RPS6KC1: variants seen among roughly 807,000 people sequenced by gnomAD.
RPS6KC1 encodes ribosomal protein S6 kinase C1, also known as inactive ribosomal protein S6 kinase delta-1.
Under a neutral mutation model 103.8 loss-of-function variants are expected in RPS6KC1, and 54 were observed. That is an observed-to-expected ratio of 0.52 (90% confidence interval 0.42 to 0.65). RPS6KC1 has a LOEUF of 0.65. Ranked by LOEUF, RPS6KC1 falls within the 30% of genes least tolerant of loss-of-function variation. The pLI is 0.00. For synonymous variants in RPS6KC1, 439 were observed against 438.7 expected, an observed-to-expected ratio of 1.00 and a Z score of -0.01; for missense variants, 1,151 against 1,253.8, an observed-to-expected ratio of 0.92 and a Z score of 1.24.
rs2094349845 is a variant in RPS6KC1, at chr1:213,241,418, A to C, written c.1942A>C (p.Ser648Arg). Reference protein sequence around the residue: ...GDSASRSFNTSESKVEFKAQD... With the variant: ...GDSASRSFNTRESKVEFKAQD... ...CAGTGCTTCTAGGAGTTTTAATACT[A>C]GTGAAAGCAAGGTAGAGTTTAAAGC... Residue 648 changes from serine to arginine, a missense_variant, in exon 11 of 15, where the codon AGT becomes CGT. Coordinates refer to ENST00000366960, the MANE Select transcript of RPS6KC1 (RefSeq NM_012424.6). 1 of 1,613,982 alleles carries C rather than the reference A, an allele frequency of 6.2e-7. No homozygotes were observed. Among genetic ancestry groups the C allele is most frequent in the Non-Finnish European group, 8.5e-7 (1 of 1,179,942 alleles).
chr1:213,298,862 CTG>C, the RPS6KC1 span, among the ~76,000 whole-genome samples: 1 of 152,124 alleles, frequency 6.6e-6, no homozygotes, highest in Non-Finnish European at 1.5e-5. Flanking sequence ...TTATCAAGTG[CTG>C]TGTTACAAAT....
At chr1:213,205,110 C>T (rs1191765185) in intron 8 of RPS6KC1, 1 of 239,104 alleles carries the variant, frequency 4.2e-6, no homozygotes, top group Non-Finnish European at 6.8e-6. Flanking sequence ...GATCCATGCT[C>T]TAAGTAGAAT....
the RPS6KC1 span, chr1:213,822,137 G>T: frequency 1.3e-5 from 2 of 152,182 alleles, no homozygotes; most frequent in African/African-American, 4.8e-5. Context: ...GAGCCCCTTT[G>T]TGCTCTCCTC....
In RPS6KC1 at chr1:213,273,568, T is replaced by C. The variant is rs2095088904; in HGVS notation, c.*934T>C. The C allele has an allele frequency of 1.3e-5, 2 of 152,636 alleles. No individual in the cohort carries two copies. The highest frequency in any genetic ancestry group is 2.9e-5 in the Non-Finnish European group (2 of 68,030). The allele number at this position is 152,636 out of a possible 1,614,324, so 9.5% of individuals were successfully genotyped here. ...TATCAGTTTCTACCATTGCTTCTCA[T>C]GCTTGACTTTGTTTTACTTTTTGGC... On this transcript the variant is annotated 3_prime_UTR_variant, in exon 15 of 15. Transcript: ENST00000366960.
chr1:213,778,728 C>T, the RPS6KC1 span, among the ~76,000 whole-genome samples: 1 of 151,968 alleles, frequency 6.6e-6, no homozygotes, highest in Non-Finnish European at 1.5e-5. Context: ...AGACAAAAGC[C>T]GACCAGGACA....
At chr1:213,307,644 G>A in the RPS6KC1 span, among the ~76,000 whole-genome samples, 1 of 152,192 alleles carries the variant, frequency 6.6e-6, no homozygotes, top group Non-Finnish European at 1.5e-5. Flanking sequence ...ACAGGAGCAG[G>A]AGAACTGCCA....
the RPS6KC1 span, among the ~76,000 whole-genome samples, chr1:213,651,863 G>A: frequency 6.6e-6 from 1 of 152,186 alleles, no homozygotes; most frequent in Non-Finnish European, 1.5e-5. Context: ...AGCTCCTTGT[G>A]TGCCGAGCTC....
chr1:213,847,471 C>T, the RPS6KC1 span, among the ~76,000 whole-genome samples: 1 of 152,298 alleles, frequency 6.6e-6, no homozygotes, highest in East Asian at 1.9e-4. Flanking sequence ...GCATAAGTAA[C>T]TCCATTTTCT....
At chr1:213,554,395 C>A in the RPS6KC1 span, among the ~76,000 whole-genome samples, 33 of 152,072 alleles carry the variant, frequency 2.2e-4, no homozygotes, top group Non-Finnish European at 7.4e-5. Flanking sequence ...GCTTTTGTAC[C>A]AATACCATGC....
the RPS6KC1 span, among the ~76,000 whole-genome samples, chr1:213,515,142 T>C: frequency 9.2e-5 from 14 of 152,342 alleles, no homozygotes; most frequent in African/African-American, 3.4e-4. Flanking sequence ...TTTTGTCAGA[T>C]GAGTAGATTG....
At chr1:213,118,159 T>C (rs889572897) in intron 5 of RPS6KC1, among the ~76,000 whole-genome samples, 10 of 152,164 alleles carry the variant, frequency 6.6e-5, no homozygotes, top group East Asian at 3.9e-4. Flanking sequence ...GTTTTTGATA[T>C]GTTTTTAAAT....
At chr1:213,749,521 T>C in the RPS6KC1 span, among the ~76,000 whole-genome samples, 2 of 152,106 alleles carry the variant, frequency 1.3e-5, no homozygotes, top group East Asian at 3.9e-4. Flanking sequence ...TGCTGGGTCT[T>C]TACCTACTTT....
chr1:213,424,200 C>T, the RPS6KC1 span, among the ~76,000 whole-genome samples: 2 of 152,216 alleles, frequency 1.3e-5, no homozygotes, highest in Non-Finnish European at 2.9e-5. Flanking sequence ...GATCTGAATG[C>T]TGAGAGCTGC....
At chr1:213,400,004 G>A in the RPS6KC1 span, among the ~76,000 whole-genome samples, 3 of 152,202 alleles carry the variant, frequency 2.0e-5, no homozygotes, top group African/African-American at 7.2e-5. Flanking sequence ...GCATGGCCGA[G>A]GAGGGCTGGG....
the RPS6KC1 span, among the ~76,000 whole-genome samples, chr1:213,369,608 T>G: frequency 6.6e-6 from 1 of 152,242 alleles, no homozygotes; most frequent in Non-Finnish European, 1.5e-5. Context: ...GTCAGTGAAG[T>G]GGAATTTGAT....
the RPS6KC1 span, among the ~76,000 whole-genome samples, chr1:213,851,462 C>T: frequency 6.6e-6 from 1 of 152,134 alleles, no homozygotes; most frequent in Non-Finnish European, 1.5e-5. Context: ...TCATCTTCCC[C>T]TGCCTCCATC....
the RPS6KC1 span, among the ~76,000 whole-genome samples, chr1:213,402,784 A>G: frequency 6.6e-6 from 1 of 152,038 alleles, no homozygotes; most frequent in Non-Finnish European, 1.5e-5. Flanking sequence ...GAATATTGAC[A>G]TGTTGGAAAA....
chr1:213,399,099 C>G, the RPS6KC1 span, among the ~76,000 whole-genome samples: 1 of 152,198 alleles, frequency 6.6e-6, no homozygotes, highest in Non-Finnish European at 1.5e-5. Context: ...GAGGCATTAT[C>G]AAGGGAAAGG....
At chr1:213,391,422 C>T in the RPS6KC1 span, among the ~76,000 whole-genome samples, 1 of 152,058 alleles carries the variant, frequency 6.6e-6, no homozygotes, top group East Asian at 1.9e-4. Flanking sequence ...ACTAAACAAG[C>T]AGAGGAGATG....
Sources: gnomAD v4.1 joint callset for allele counts (sites outside exome capture counted in the v4.1 genomes callset) on GRCh38, gnomAD v4.1.1 for gene constraint, MANE v1.5 for transcripts, NCBI Gene and HGNC (gene_info 2026-07-23, HGNC 2026-07-21) for gene names.